Variants in MALRD1 observed in about 807,000 individuals in gnomAD.
MALRD1 encodes MAM and LDL-receptor class A domain-containing protein 1.
A neutral mutation model predicts 242.1 loss-of-function variants in MALRD1; 247 were observed. The observed-to-expected ratio is 1.02, with a 90% confidence interval of 0.92 to 1.13. The LOEUF (loss-of-function observed/expected upper bound fraction) is 1.13. MALRD1 is among the 50% of genes most tolerant of loss of function. The pLI is 0.00. For missense variants in MALRD1, 2,989 were observed against 2,533.1 expected (o/e 1.18, Z -3.86); for synonymous variants, 995 against 866.6 (o/e 1.15, Z -2.60).
chr10:19,678,279 T>A (rs577956325), intron 36 of MALRD1, among the ~76,000 whole-genome samples: 13 of 152,326 alleles, frequency 8.5e-5, no homozygotes, highest in African/African-American at 3.1e-4. Flanking sequence ...ATTTTCACAA[T>A]ATTGATTCTT....
chr10:19,177,228 C>T (rs1383266303), intron 14 of MALRD1, among the ~76,000 whole-genome samples: 1 of 147,680 alleles, frequency 6.8e-6, no homozygotes, highest in Non-Finnish European at 1.5e-5. Flanking sequence ...TGTAGTGAGC[C>T]GAGATCGCGC....
At chr10:19,494,911 C>T (rs1389373419) in intron 30 of MALRD1, among the ~76,000 whole-genome samples, 1 of 151,638 alleles carries the variant, frequency 6.6e-6, no homozygotes, top group East Asian at 1.9e-4. Flanking sequence ...CATTCAAATT[C>T]AGGAAATGAA....
chr10:19,642,162 G>A (rs943275270), intron 36 of MALRD1, among the ~76,000 whole-genome samples: 5 of 152,116 alleles, frequency 3.3e-5, no homozygotes, highest in African/African-American at 1.2e-4. Flanking sequence ...GTTAGTTTAT[G>A]CATCTTCTCA....
intron 31 of MALRD1, among the ~76,000 whole-genome samples, chr10:19,524,013 A>G (rs886451578): frequency 3.9e-5 from 6 of 152,242 alleles, no homozygotes; most frequent in African/African-American, 9.6e-5. Context: ...TAGTCATTGT[A>G]TCACTCTTTA....
rs747122695 is a variant in MALRD1 at position 19,203,775 on chromosome 10, A to G, written c.1999A>G (p.Ile667Val). The change falls in exon 15 of 40, where the codon ATT becomes GTT. Residue 667 changes from isoleucine (I) to valine (V), a missense_variant. Ile to Val is a conservative substitution (Grantham distance 29). Coordinates refer to ENST00000454679, the MANE Select transcript of MALRD1 (RefSeq NM_001142308.3). The stretch of plus-strand genomic sequence containing the variant: ...AAACAGCTGTGATTGGTTTGAAGCA[A>G]TTAGTGGTGACCATTTTGACTGGAT... ...EANSCDWFEA[I>V]SGDHFDWIRS... 6.4e-6 allele frequency: 10 copies of G among 1,550,590 alleles called. No homozygotes were observed. Among genetic ancestry groups the G allele is most frequent in the Non-Finnish European group, 8.7e-6 (10 of 1,146,888 alleles).
chr10:19,323,135 C>A (rs1842972353), intron 21 of MALRD1, among the ~76,000 whole-genome samples: 1 of 152,034 alleles, frequency 6.6e-6, no homozygotes, highest in Non-Finnish European at 1.5e-5. Flanking sequence ...TACAAGGTTA[C>A]TAAAATGTGT....
intron 13 of MALRD1, among the ~76,000 whole-genome samples, chr10:19,174,397 T>C (rs1049258810): frequency 6.6e-6 from 1 of 152,158 alleles, no homozygotes; most frequent in Non-Finnish European, 1.5e-5. Context: ...TTCTGAGCCC[T>C]GGCACAAGTA....
chr10:19,058,845 TA>T (rs950900879), intron 1 of MALRD1, among the ~76,000 whole-genome samples: 3 of 151,560 alleles, frequency 2.0e-5, no homozygotes, highest in African/African-American at 7.3e-5. Context: ...ATATGAAAAA[TA>T]AAAAAAGTAT....
intron 29 of MALRD1, among the ~76,000 whole-genome samples, chr10:19,478,453 T>G (rs1427052654): frequency 6.6e-6 from 1 of 152,170 alleles, no homozygotes; most frequent in Non-Finnish European, 1.5e-5. Context: ...AAAATATTAA[T>G]TAAGACTAAA....
At chr10:19,367,275 C>A (rs1051921306) in intron 26 of MALRD1, among the ~76,000 whole-genome samples, 4 of 151,966 alleles carry the variant, frequency 2.6e-5, no homozygotes, top group Non-Finnish European at 5.9e-5. Flanking sequence ...TTCCTTCTAC[C>A]CTTCCAAGCC....
At chr10:19,572,096 G>A (rs986585388) in intron 33 of MALRD1, among the ~76,000 whole-genome samples, 1 of 152,154 alleles carries the variant, frequency 6.6e-6, no homozygotes, top group Non-Finnish European at 1.5e-5. Flanking sequence ...ACTAAAAACA[G>A]CAGTCCTATC....
At position 19,125,314 on chromosome 10, in the gene MALRD1, CTTCCTTCCTTCT is replaced by C. The variant is rs1163681774; in HGVS notation, c.943+648_943+659del. On this transcript the variant is annotated intron_variant, in intron 7 of 39. Transcript: ENST00000454679. ...CTTTCCTTCCTTCCTTCCTTCCTTC[CTTCCTTCCTTCT>C]TTCTTTCTTTCTTTCTTTCTTTCTT... is the stretch of plus-strand genomic sequence containing the variant. 4.0e-3 allele frequency among the ~76,000 whole-genome samples: 317 copies of C among 79,216 alleles called. 1 individual carries two copies. The highest frequency in any genetic ancestry group is 0.014 in the African/African-American group (242 of 17,856). 52.0% of individuals were successfully genotyped at this position (79,216 alleles called of 152,430 possible). A position where few individuals can be genotyped will look rare whatever the true frequency, so the allele number is the denominator to read the frequency against.
intron 19 of MALRD1, among the ~76,000 whole-genome samples, chr10:19,277,835 A>G (rs1267602128): frequency 6.6e-6 from 1 of 152,216 alleles, no homozygotes; most frequent in Non-Finnish European, 1.5e-5. Flanking sequence ...TCCTCCAGAT[A>G]CTGGACATTT....
At chr10:19,662,629 A>T (rs1255797118) in intron 36 of MALRD1, among the ~76,000 whole-genome samples, 1 of 152,200 alleles carries the variant, frequency 6.6e-6, no homozygotes, top group East Asian at 1.9e-4. Context: ...TCATCCAATT[A>T]TTCAAGGAAA....
At chr10:19,155,532 A>T (rs1048086831) in intron 12 of MALRD1, among the ~76,000 whole-genome samples, 5 of 152,244 alleles carry the variant, frequency 3.3e-5, no homozygotes, top group Non-Finnish European at 4.4e-5. Context: ...ACAAATGGAA[A>T]TGATTATATT....
intron 39 of MALRD1, among the ~76,000 whole-genome samples, chr10:19,730,995 T>A (rs941311140): frequency 6.6e-6 from 1 of 152,238 alleles, no homozygotes; most frequent in Admixed American, 6.5e-5. Flanking sequence ...AGTTTCAGTC[T>A]GCTTGTAAGA....
At position 19,391,324 on chromosome 10, in the gene MALRD1, T is replaced by C. The variant is rs1846327357; in HGVS notation, c.4845+1715T>C. ...TCTCTCATAATATATTTGGATTCTA[T>C]ATTCATGAATATTAGGGCAATCATT... On this transcript the variant is annotated intron_variant, in intron 28 of 39. Coordinates refer to ENST00000454679, the MANE Select transcript of MALRD1 (RefSeq NM_001142308.3). 2.0e-5 allele frequency among the ~76,000 whole-genome samples: 3 copies of C among 152,232 alleles called. No individual in the cohort carries two copies. In the South Asian group the frequency reaches 6.2e-4, roughly 31 times the overall value.
intron 32 of MALRD1, among the ~76,000 whole-genome samples, chr10:19,545,221 T>A (rs752507091): frequency 5.3e-5 from 8 of 152,168 alleles, no homozygotes; most frequent in Non-Finnish European, 1.2e-4. Context: ...TCACATTGGA[T>A]TAGAGCCTAC....
intron 36 of MALRD1, among the ~76,000 whole-genome samples, chr10:19,647,249 T>C (rs1392099131): frequency 6.6e-6 from 1 of 152,198 alleles, no homozygotes; most frequent in Non-Finnish European, 1.5e-5. Context: ...TATCTTTAGA[T>C]AGCAATGTTT....
Sources: allele counts gnomAD v4.1 joint callset (sites outside exome capture counted in the v4.1 genomes callset), GRCh38; gene constraint gnomAD v4.1.1; transcripts MANE v1.5; gene names NCBI Gene and HGNC (gene_info 2026-07-23, HGNC 2026-07-21).